The following DACH2 variants were observed in gnomAD, a reference collection of about 807,000 sequenced individuals.
The protein encoded by DACH2 is dachshund family transcription factor 2, also known as dachshund homolog 2.
In DACH2, 17 loss-of-function variants were observed where a neutral mutation model predicts 35.8. The observed-to-expected ratio is 0.48, with a 90% CI of 0.33 to 0.71. The LOEUF is 0.71. Ranked by LOEUF, DACH2 falls within the 30% of genes least tolerant of loss-of-function variation. The pLI, the probability that DACH2 is intolerant of heterozygous loss-of-function variation, is 0.02. For missense variants in DACH2, 469 were observed against 472.7 expected, an observed-to-expected ratio of 0.99 and a Z score of 0.07; for synonymous variants, 195 against 177.3, an observed-to-expected ratio of 1.10 and a Z score of -0.79.
At chrX:86,637,172 G>A (rs752755531) in intron 3 of DACH2, among the ~76,000 whole-genome samples, 36 of 67,891 alleles carry the variant, frequency 5.3e-4, no homozygotes, top group Non-Finnish European at 1.3e-4. Flanking sequence ...GACATACCAC[G>A]TAGCATGAGT....
chrX:86,556,358 A>G (rs1218176422), intron 3 of DACH2, among the ~76,000 whole-genome samples: 2 of 110,709 alleles, frequency 1.8e-5, no homozygotes, highest in Non-Finnish European at 3.8e-5. Flanking sequence ...GTAAGCGTTC[A>G]TTATCTCTTT....
At chrX:86,600,248 A>G (rs1202984654) in intron 3 of DACH2, among the ~76,000 whole-genome samples, 4 of 112,005 alleles carry the variant, frequency 3.6e-5, no homozygotes, top group Non-Finnish European at 5.6e-5. Flanking sequence ...AATTTGGACT[A>G]TTTCCAGAGG....
chrX:86,580,965 T>A (rs1057431659), intron 3 of DACH2, among the ~76,000 whole-genome samples: 3 of 111,215 alleles, frequency 2.7e-5, no homozygotes, highest in African/African-American at 6.5e-5. Context: ...CATGAAATTT[T>A]AAAAAATTAA....
chrX:86,330,591 T>G (rs766557795), intron 1 of DACH2, among the ~76,000 whole-genome samples: 115 of 111,769 alleles, frequency 1.0e-3, no homozygotes, highest in Admixed American at 2.6e-3. Flanking sequence ...GAAATAATAA[T>G]AATTTTAAAA....
At chrX:86,542,041 A>G (rs2038890993) in intron 3 of DACH2, among the ~76,000 whole-genome samples, 1 of 111,630 alleles carries the variant, frequency 9.0e-6, no homozygotes, top group African/African-American at 3.3e-5. Context: ...TTCATTTTAA[A>G]CTATTTTTTT....
At chrX:86,606,168 CTT>C (rs894832836) in intron 3 of DACH2, among the ~76,000 whole-genome samples, 6 of 110,962 alleles carry the variant, frequency 5.4e-5, no homozygotes, top group African/African-American at 2.0e-4. Context: ...ATATTTGTGT[CTT>C]AAACTGGGCA....
At chrX:86,180,175 C>CAT (rs1569292909) in intron 1 of DACH2, among the ~76,000 whole-genome samples, 11 of 15,596 alleles carry the variant, frequency 7.1e-4, no homozygotes, top group African/African-American at 2.4e-3. Context: ...CATGCTAAAC[C>CAT]GTATATATAT....
chrX:86,156,989 G>A (rs1046929991), intron 1 of DACH2, among the ~76,000 whole-genome samples: 1 of 110,992 alleles, frequency 9.0e-6, no homozygotes, highest in Non-Finnish European at 1.9e-5. Context: ...TCTTTCAGGT[G>A]TAATTAATTT....
At chrX:86,765,697 G>GTTTTTTTTTTTTTTTTTTTTTTTTT (rs2041925172) in intron 7 of DACH2, among the ~76,000 whole-genome samples, 1 of 35,231 alleles carries the variant, frequency 2.8e-5, no homozygotes, top group African/African-American at 1.1e-4. Flanking sequence ...GTTGTTTTTT[G>GTTTTTTTTTTTTTTTTTTTTTTTTT]GTTTTTTTTT....
At chrX:86,334,769 C>T (rs2035274186) in intron 1 of DACH2, among the ~76,000 whole-genome samples, 1 of 111,938 alleles carries the variant, frequency 8.9e-6, no homozygotes, top group African/African-American at 3.2e-5. Flanking sequence ...TTAGTTAGAT[C>T]CCATTTCTCA....
chrX:86,322,202 C>G (rs1455773309), intron 1 of DACH2, among the ~76,000 whole-genome samples: 1 of 111,234 alleles, frequency 9.0e-6, no homozygotes, highest in African/African-American at 3.3e-5. Flanking sequence ...ATCCTTTCCA[C>G]AGGCTAGGTT....
intron 2 of DACH2, among the ~76,000 whole-genome samples, chrX:86,507,480 A>C (rs1027227969): frequency 2.5e-4 from 27 of 109,226 alleles, no homozygotes; most frequent in Admixed American, 2.0e-4. Flanking sequence ...AAAAAAAAAA[A>C]AAAAAACCAG....
chrX:86,463,886 G>T (rs2037617840), intron 2 of DACH2, among the ~76,000 whole-genome samples: 1 of 111,608 alleles, frequency 9.0e-6, no homozygotes, highest in Admixed American at 9.5e-5. Context: ...CTTCTCAAAA[G>T]AAGACAATTA....
chrX:86,261,403 T>A (rs1384005808), intron 1 of DACH2, among the ~76,000 whole-genome samples: 8 of 111,618 alleles, frequency 7.2e-5, no homozygotes, highest in Non-Finnish European at 1.5e-4. Flanking sequence ...AACAGAAAAT[T>A]TCAAAGCCAG....
intron 1 of DACH2, among the ~76,000 whole-genome samples, chrX:86,231,043 C>T (rs1435460500): frequency 8.9e-6 from 1 of 111,837 alleles, no homozygotes; most frequent in Non-Finnish European, 1.9e-5. Flanking sequence ...TTGGTTTGTT[C>T]TTGTTTCTCC....
At chrX:86,471,166 A>G (rs1279236959) in intron 2 of DACH2, among the ~76,000 whole-genome samples, 1 of 111,758 alleles carries the variant, frequency 8.9e-6, no homozygotes, top group Non-Finnish European at 1.9e-5. Context: ...AATATTTTAT[A>G]TTATCCTTCA....
rs1293621423 is a variant in DACH2, at chrX:86,254,781, A to AATAAATATAT, written c.488+105676_488+105677insAATATATATA. On this transcript the variant is annotated intron_variant, in intron 1 of 11. Coordinates refer to ENST00000373125, the MANE Select transcript of DACH2 (RefSeq NM_053281.3). ...GTGTGGGGTGTTATTCAAATAAATA[A>AATAAATATAT]ATATATATATATATATATATATATA... is the stretch of plus-strand genomic sequence containing the variant. Among the ~76,000 whole-genome samples the AATAAATATAT allele has an allele frequency of 3.1e-4, 7 of 22,587 alleles. No individual in the cohort carries two copies. In the Admixed American group the frequency reaches 3.6e-3, roughly 12 times the overall value. 19.6% of individuals were successfully genotyped at this position (22,587 alleles called of 115,157 possible).
chrX:86,310,329 A>C (rs1679015127), intron 1 of DACH2, among the ~76,000 whole-genome samples: 2 of 111,814 alleles, frequency 1.8e-5, no homozygotes, highest in Non-Finnish European at 3.8e-5. Context: ...TACATGAGGA[A>C]GTAGCTTAAA....
chrX:86,414,770 C>A (rs1018347810), intron 2 of DACH2, among the ~76,000 whole-genome samples: 3 of 111,514 alleles, frequency 2.7e-5, no homozygotes, highest in Non-Finnish European at 5.6e-5. Flanking sequence ...GCTAACCAAG[C>A]AAATAAACTA....
Sources: allele counts gnomAD v4.1 joint callset (sites outside exome capture counted in the v4.1 genomes callset), GRCh38; gene constraint gnomAD v4.1.1; transcripts MANE v1.5; gene names NCBI Gene and HGNC (gene_info 2026-07-23, HGNC 2026-07-21).